Variants in INSYN2A observed in about 807,000 individuals in gnomAD.
INSYN2A encodes the protein inhibitory synaptic factor 2A, also known as family with sequence similarity 196 member A.
A neutral mutation model predicts 39.4 loss-of-function variants in INSYN2A; 17 were observed. The observed-to-expected ratio is 0.43, with a 90% CI of 0.30 to 0.65. INSYN2A has a LOEUF of 0.65. INSYN2A is among the 30% of genes least tolerant of loss of function. The pLI is 0.14. For missense variants in INSYN2A, 595 were observed against 631.2 expected (o/e 0.94, Z 0.61); for synonymous variants, 255 against 265.7 (o/e 0.96, Z 0.39).
At chr10:127,160,616 G>A (rs2053516491) in intron 4 of INSYN2A, among the ~76,000 whole-genome samples, 1 of 152,222 alleles carries the variant, frequency 6.6e-6, no homozygotes, top group Non-Finnish European at 1.5e-5. Flanking sequence ...GACCTTCTAA[G>A]TGTGGTCTTC....
intron 4 of INSYN2A, among the ~76,000 whole-genome samples, chr10:127,155,197 A>G (rs1185770907): frequency 6.6e-6 from 1 of 152,114 alleles, no homozygotes; most frequent in African/African-American, 2.4e-5. Context: ...TTGCTGTGTA[A>G]ACTTCTCTGC....
rs531750560 is a variant in INSYN2A at position 127,163,799 on chromosome 10, CTTTTTTTT to C, written c.1185-9884_1185-9877del. On this transcript the variant is annotated intron_variant, in intron 4 of 5. Coordinates refer to ENST00000522781, the MANE Select transcript of INSYN2A (RefSeq NM_001039762.3). ...ACTTCCGTGTCTGGATAAAGCCTTCCTTTTTTTTTTTTTTTTTTTGCCCTGAAGCAATC... is the reference window on the plus strand; with the variant it reads ...ACTTCCGTGTCTGGATAAAGCCTTCCTTTTTTTTTTTGCCCTGAAGCAATC... Among the ~76,000 whole-genome samples the C allele has an allele frequency of 5.4e-5, 7 of 129,214 alleles. No homozygotes were observed. In the South Asian group the frequency reaches 1.8e-3, roughly 33 times the overall value. 84.8% of individuals were successfully genotyped at this position (129,214 alleles called of 152,430 possible).
chr10:127,168,562 T>A (rs2054285232), intron 4 of INSYN2A, among the ~76,000 whole-genome samples: 1 of 152,210 alleles, frequency 6.6e-6, no homozygotes, highest in African/African-American at 2.4e-5. Flanking sequence ...TGAGAGACTG[T>A]CTAATGTCAC....
At position 127,176,355 on chromosome 10, in the gene INSYN2A, G is replaced by C; in HGVS notation, c.41C>G (p.Ser14Trp). ...GGCGGCGGGTTCCACTTCACTCTCC[G>C]ACGTTGTGAGTATGCATTTGCCGGT... is the stretch of plus-strand genomic sequence containing the variant. Reference protein sequence around the residue: ...KDTGKCILTTSESEVEPAACL... With the variant: ...KDTGKCILTTWESEVEPAACL... Residue 14 changes from serine to tryptophan, a missense_variant, in exon 4 of 6, where the codon TCG becomes TGG. Ser to Trp is a radical substitution (Grantham distance 177, BLOSUM62 -3). Coordinates refer to ENST00000522781, the MANE Select transcript of INSYN2A (RefSeq NM_001039762.3). This position sits in a 1 kb window ranked among gnomAD's most constrained non-coding sequence, Gnocchi z 4.4. The C allele has an allele frequency of 2.5e-6, 4 of 1,613,236 alleles. No individual in the cohort carries two copies. The highest frequency in any genetic ancestry group is 3.4e-6 in the Non-Finnish European group (4 of 1,179,750).
At position 127,166,365 on chromosome 10, in the gene INSYN2A, C is replaced by CA. The variant is rs1448608600; in HGVS notation, c.1184+8846dup. On this transcript the variant is annotated intron_variant, in intron 4 of 5. Coordinates refer to ENST00000522781, the MANE Select transcript of INSYN2A (RefSeq NM_001039762.3). The stretch of plus-strand genomic sequence containing the variant: ...CAGGCGTGAGCCACCGCGCCCGGCC[C>CA]AAAAAAATGCCTGCATTTTCATTAG... Among the ~76,000 whole-genome samples the CA allele has an allele frequency of 2.6e-5, 4 of 151,744 alleles. No individual in the cohort carries two copies. The East Asian group carries it at 5.9e-4, about 22-fold the overall frequency.
At position 127,175,240 on chromosome 10, in the gene INSYN2A, A is replaced by G. The variant is rs772614753; in HGVS notation, c.1156T>C (p.Leu386=). 9.3e-6 allele frequency: 15 copies of G among 1,613,038 alleles called. No individual in the cohort carries two copies. In the African/African-American group the frequency reaches 9.4e-5, roughly 10 times the overall value. ...TCCCGATGGGCCTCTCCTTTTTCCA[A>G]CTCCTGAATGACCCCCAAGAGCACT... ...IKVLLGVIQE[L]EKGEAHREGL... is the part of the protein sequence containing the mutation. Residue 386 remains leucine (L), a synonymous_variant, in exon 4 of 6, where the codon TTG becomes CTG. Coordinates refer to ENST00000522781, the MANE Select transcript of INSYN2A (RefSeq NM_001039762.3). This position sits in a 1 kb window ranked among gnomAD's most constrained non-coding sequence, Gnocchi z 6.3.
At chr10:127,195,273 C>G (rs1482333579) in intron 1 of INSYN2A, among the ~76,000 whole-genome samples, 1 of 152,192 alleles carries the variant, frequency 6.6e-6, no homozygotes, top group Non-Finnish European at 1.5e-5. Context: ...CTCCCTCCTC[C>G]CTCCTGCCCT....
At chr10:127,171,531 GT>G (rs1450442662) in intron 4 of INSYN2A, among the ~76,000 whole-genome samples, 1 of 152,108 alleles carries the variant, frequency 6.6e-6, no homozygotes, top group Non-Finnish European at 1.5e-5. Flanking sequence ...GGGCTCCGAG[GT>G]GCCTGCCCTC....
At chr10:127,178,462 C>T (rs1047128976) in intron 2 of INSYN2A, among the ~76,000 whole-genome samples, 20 of 152,156 alleles carry the variant, frequency 1.3e-4, no homozygotes, top group Admixed American at 1.3e-3. Context: ...GCACCGCTCC[C>T]TCCCAGTGTG....
At chr10:127,156,407 C>T (rs2053049200) in intron 4 of INSYN2A, among the ~76,000 whole-genome samples, 1 of 152,144 alleles carries the variant, frequency 6.6e-6, no homozygotes, top group Admixed American at 6.5e-5. Flanking sequence ...ATGAACCTGA[C>T]AATGAGAGGA....
chr10:127,145,311 C>A (rs1234361389), intron 5 of INSYN2A, among the ~76,000 whole-genome samples: 1 of 152,172 alleles, frequency 6.6e-6, no homozygotes, highest in Non-Finnish European at 1.5e-5. Flanking sequence ...AGGAAAGACA[C>A]CCCATGACTA....
At chr10:127,155,636 C>T (rs2052970924) in intron 4 of INSYN2A, among the ~76,000 whole-genome samples, 1 of 152,166 alleles carries the variant, frequency 6.6e-6, no homozygotes, top group Non-Finnish European at 1.5e-5. Flanking sequence ...CTCCTCATGG[C>T]AAGCCCCAAG....
intron 5 of INSYN2A, among the ~76,000 whole-genome samples, chr10:127,153,025 T>G (rs896999786): frequency 1.3e-5 from 2 of 152,244 alleles, no homozygotes; most frequent in Non-Finnish European, 2.9e-5. Flanking sequence ...CAGAGGACAG[T>G]AACTTTGAAT....
intron 2 of INSYN2A, among the ~76,000 whole-genome samples, chr10:127,186,965 G>T (rs2056331529): frequency 6.6e-6 from 1 of 152,176 alleles, no homozygotes; most frequent in Non-Finnish European, 1.5e-5. Context: ...GGCACATAGA[G>T]TTTTGATAGC....
At position 127,137,099 on chromosome 10, in the gene INSYN2A, C is replaced by T. The variant is rs2050766438; in HGVS notation, c.*738G>A. ...TGTCCAATAGCTCTGACCCTGTCTACTTGCAGTGATTAAAGGCATATCCTG... is the reference window on the plus strand; with the variant it reads ...TGTCCAATAGCTCTGACCCTGTCTATTTGCAGTGATTAAAGGCATATCCTG... On this transcript the variant is annotated 3_prime_UTR_variant, in exon 6 of 6. Coordinates refer to ENST00000522781, the MANE Select transcript of INSYN2A (RefSeq NM_001039762.3). 6.6e-6 allele frequency: 1 copy of T among 152,614 alleles called. No homozygotes were observed. The highest frequency in any genetic ancestry group is 2.1e-4 in the South Asian group (1 of 4,834). 9.5% of individuals were successfully genotyped at this position (152,614 alleles called of 1,614,324 possible).
chr10:127,160,477 G>C (rs2053503468), intron 4 of INSYN2A, among the ~76,000 whole-genome samples: 1 of 152,220 alleles, frequency 6.6e-6, no homozygotes, highest in Non-Finnish European at 1.5e-5. Context: ...TCAGTACTCA[G>C]TGCAGGGGAG....
intron 4 of INSYN2A, among the ~76,000 whole-genome samples, chr10:127,161,915 C>T (rs2133681362): frequency 6.6e-6 from 1 of 152,222 alleles, no homozygotes; most frequent in Admixed American, 6.5e-5. Context: ...TTGGATTGAC[C>T]CCTGTTCCAG....
intron 4 of INSYN2A, among the ~76,000 whole-genome samples, chr10:127,170,874 T>C (rs2054509934): frequency 6.6e-6 from 1 of 152,230 alleles, no homozygotes; most frequent in Non-Finnish European, 1.5e-5. Context: ...TTCTTGGCAT[T>C]CATGCAAGCC....
chr10:127,148,086 T>G (rs2052089685), intron 5 of INSYN2A, among the ~76,000 whole-genome samples: 1 of 141,762 alleles, frequency 7.1e-6, no homozygotes, highest in South Asian at 2.3e-4. Context: ...CCATCATGGA[T>G]CATATCAAAC....
Sources: allele counts gnomAD v4.1 joint callset (sites outside exome capture counted in the v4.1 genomes callset), GRCh38; gene constraint gnomAD v4.1.1; non-coding constraint Gnocchi (gnomAD v3.1); transcripts MANE v1.5; gene names NCBI Gene and HGNC (gene_info 2026-07-23, HGNC 2026-07-21).